The following LOC400499 variants were observed in gnomAD, a reference collection of about 807,000 sequenced individuals.
At chr16:11,408,231 C>G in the LOC400499 span, among the ~76,000 whole-genome samples, 3 of 152,110 alleles carry the variant, frequency 2.0e-5, no homozygotes, top group African/African-American at 7.2e-5. Flanking sequence ...GACCTGCCCA[C>G]CTCGGCCTCC....
At chr16:11,380,276 A>G in the LOC400499 span, among the ~76,000 whole-genome samples, 3 of 150,946 alleles carry the variant, frequency 2.0e-5, no homozygotes, top group Admixed American at 6.6e-5. Flanking sequence ...GACTCCCTTT[A>G]GCATTTCTTG....
the LOC400499 span, among the ~76,000 whole-genome samples, chr16:11,518,451 G>A: frequency 1.3e-5 from 2 of 152,004 alleles, no homozygotes; most frequent in African/African-American, 4.8e-5. Context: ...GGTCTCGGCA[G>A]AGTCGGGGAG....
the LOC400499 span, among the ~76,000 whole-genome samples, chr16:11,463,371 T>A: frequency 6.6e-6 from 1 of 151,514 alleles, no homozygotes; most frequent in East Asian, 1.9e-4. Context: ...TCCCCACAGA[T>A]GTGTGTGCGG....
At chr16:11,404,114 A>G in the LOC400499 span, among the ~76,000 whole-genome samples, 7 of 152,324 alleles carry the variant, frequency 4.6e-5, no homozygotes, top group African/African-American at 1.7e-4. Flanking sequence ...TCAGTTCAGA[A>G]GTCACCTCCT....
At chr16:11,440,362 T>C in the LOC400499 span, among the ~76,000 whole-genome samples, 1 of 152,200 alleles carries the variant, frequency 6.6e-6, no homozygotes, top group Non-Finnish European at 1.5e-5. Flanking sequence ...GAATGACCTT[T>C]CTACCTATGG....
chr16:11,424,878 T>C, the LOC400499 span, among the ~76,000 whole-genome samples: 143 of 152,262 alleles, frequency 9.4e-4, no homozygotes, highest in African/African-American at 3.3e-3. Context: ...GGAGGGCTGA[T>C]GGCAGCGGCT....
At chr16:11,478,825 A>T in the LOC400499 span, 1 of 397,302 alleles carries the variant, frequency 2.5e-6, no homozygotes, top group African/African-American at 2.1e-5. Flanking sequence ...ATGGGAGATG[A>T]CTGAATCATG....
chr16:11,390,279 C>T, the LOC400499 span: 1 of 1,232,738 alleles, frequency 8.1e-7, no homozygotes. Context: ...GCTCACTCAC[C>T]AGCTCCAGGG....
the LOC400499 span, among the ~76,000 whole-genome samples, chr16:11,375,731 C>CTTT: frequency 2.6e-4 from 25 of 96,562 alleles, 1 homozygote; most frequent in African/African-American, 8.0e-4. Flanking sequence ...GTCCTTTGTA[C>CTTT]ATTTTTTTTT....
the LOC400499 span, chr16:11,398,641 G>A: frequency 1.6e-6 from 1 of 624,858 alleles, no homozygotes; most frequent in Non-Finnish European, 2.3e-6. Flanking sequence ...ATCAGCCACA[G>A]CACCCCCTTA....
At chr16:11,416,219 G>A in the LOC400499 span, among the ~76,000 whole-genome samples, 1 of 152,062 alleles carries the variant, frequency 6.6e-6, no homozygotes, top group Non-Finnish European at 1.5e-5. Context: ...CAAAGTGCTA[G>A]GATTACATGC....
the LOC400499 span, among the ~76,000 whole-genome samples, chr16:11,483,542 C>T: frequency 1.3e-5 from 2 of 151,780 alleles, no homozygotes; most frequent in Non-Finnish European, 2.9e-5. Flanking sequence ...ATAAAAGAAG[C>T]CAAACAAAAA....
the LOC400499 span, among the ~76,000 whole-genome samples, chr16:11,382,569 C>A: frequency 6.7e-6 from 1 of 149,816 alleles, no homozygotes; most frequent in Non-Finnish European, 1.5e-5. Context: ...CAGAAGTCAT[C>A]TGCTGTGTTG....
chr16:11,399,784 G>A, the LOC400499 span: 7 of 398,778 alleles, frequency 1.8e-5, no homozygotes, highest in African/African-American at 6.2e-5. Flanking sequence ...CTGCAGCGTC[G>A]CAGGTTGTCC....
chr16:11,438,775 T>G, the LOC400499 span, among the ~76,000 whole-genome samples: 5 of 151,308 alleles, frequency 3.3e-5, no homozygotes, highest in Non-Finnish European at 1.5e-5. Context: ...GCTAACAGAG[T>G]GAGATCCTGT....
chr16:11,447,823 C>T, the LOC400499 span: 1 of 1,382,460 alleles, frequency 7.2e-7, no homozygotes, highest in Non-Finnish European at 9.5e-7. Context: ...CCCAGCAGGT[C>T]AGCAGAGATT....
At chr16:11,437,648 A>ACTTGAGGT in the LOC400499 span, among the ~76,000 whole-genome samples, 1 of 152,202 alleles carries the variant, frequency 6.6e-6, no homozygotes, top group Non-Finnish European at 1.5e-5. Context: ...CAGGCAGATC[A>ACTTGAGGT]CTTGAGGTCA....
chr16:11,521,645 C>T, the LOC400499 span, among the ~76,000 whole-genome samples: 4 of 152,178 alleles, frequency 2.6e-5, no homozygotes, highest in Non-Finnish European at 5.9e-5. Context: ...TCTCAGTCCA[C>T]CCCTAGGGCA....
chr16:11,397,803 G>T, the LOC400499 span, among the ~76,000 whole-genome samples: 1 of 149,964 alleles, frequency 6.7e-6, no homozygotes, highest in Non-Finnish European at 1.5e-5. Flanking sequence ...GGGAGGGATG[G>T]ACGGACGGAT....
Sources: allele counts gnomAD v4.1 joint callset (sites outside exome capture counted in the v4.1 genomes callset), GRCh38; gene constraint gnomAD v4.1.1; transcripts MANE v1.5.